Variants in MYO16 observed in about 807,000 individuals in gnomAD.
MYO16 encodes unconventional myosin-XVI.
Under a neutral mutation model 205.3 loss-of-function variants are expected in MYO16, and 94 were observed. That is an observed-to-expected ratio of 0.46 (90% CI 0.39 to 0.54). The LOEUF is 0.54. MYO16 is among the 20% of genes least tolerant of loss of function. The probability of loss-of-function intolerance (pLI) is 0.00; values close to 1 mark genes in which losing one functional copy is unlikely to be tolerated. For synonymous variants in MYO16, 988 were observed against 954.0 expected, an observed-to-expected ratio of 1.04 and a Z score of -0.66; for missense variants, 2,315 against 2,387.5, an observed-to-expected ratio of 0.97 and a Z score of 0.63.
At chr13:109,134,033 A>C (rs769983170) in intron 31 of MYO16, among the ~76,000 whole-genome samples, 1 of 152,238 alleles carries the variant, frequency 6.6e-6, no homozygotes, top group Non-Finnish European at 1.5e-5. Context: ...GAACAGTTCT[A>C]TCTCTCACAG....
At chr13:108,946,757 A>G (rs989012325) in intron 16 of MYO16, among the ~76,000 whole-genome samples, 1 of 150,482 alleles carries the variant, frequency 6.6e-6, no homozygotes, top group Non-Finnish European at 1.5e-5. Flanking sequence ...TTTTTTTTTT[A>G]TTGAGATATA....
intron 28 of MYO16, among the ~76,000 whole-genome samples, chr13:109,115,450 A>C (rs868790375): frequency 2.0e-5 from 3 of 152,166 alleles, no homozygotes; most frequent in South Asian, 2.1e-4. Context: ...TTAACATTTT[A>C]ATCTCAGCTA....
At chr13:108,713,177 ATAT>A (rs1201693745) in intron 3 of MYO16, among the ~76,000 whole-genome samples, 1 of 152,138 alleles carries the variant, frequency 6.6e-6, no homozygotes, top group African/African-American at 2.4e-5. Context: ...ACATTTAAAA[ATAT>A]TATATTATAA....
chr13:109,172,379 A>T (rs1878959580), intron 33 of MYO16, among the ~76,000 whole-genome samples: 1 of 152,172 alleles, frequency 6.6e-6, no homozygotes, highest in Admixed American at 6.5e-5. Flanking sequence ...GCCCTGCCCC[A>T]CTCATCCTTC....
chr13:108,717,647 A>G (rs1045136077), intron 3 of MYO16, among the ~76,000 whole-genome samples: 5 of 151,728 alleles, frequency 3.3e-5, no homozygotes, highest in African/African-American at 1.2e-4. Flanking sequence ...AAAAAAAAAA[A>G]AAATTGAGCC....
chr13:109,020,058 G>T, intron 23 of MYO16, 147 bp downstream of exon 23: 1 of 777,628 alleles, frequency 1.3e-6, no homozygotes, highest in Non-Finnish European at 2.0e-6. Context: ...TTTTCTAAGT[G>T]ATTTTCTTTT....
intron 1 of MYO16, among the ~76,000 whole-genome samples, chr13:108,655,170 C>T (rs1881187211): frequency 6.6e-6 from 1 of 152,206 alleles, no homozygotes; most frequent in African/African-American, 2.4e-5. Context: ...AGCCGCTCTC[C>T]TCACAGACCC....
the MYO16 span, among the ~76,000 whole-genome samples, chr13:108,500,782 T>C: frequency 9.9e-5 from 15 of 152,266 alleles, no homozygotes; most frequent in Middle Eastern, 3.4e-3. Flanking sequence ...TTATCTTAAA[T>C]GCAAATTTAG....
chr13:108,828,163 A>G (rs1876388109), intron 9 of MYO16, among the ~76,000 whole-genome samples: 1 of 152,192 alleles, frequency 6.6e-6, no homozygotes. Flanking sequence ...CACCTAGCTG[A>G]GGCTTGGAGC....
chr13:108,668,609 C>A (rs545716982), intron 2 of MYO16, among the ~76,000 whole-genome samples: 1 of 152,186 alleles, frequency 6.6e-6, no homozygotes, highest in South Asian at 2.1e-4. Context: ...CCCCCTCCTC[C>A]GTCTCCAACA....
chr13:108,664,803 A>G (rs1881652523), intron 1 of MYO16, among the ~76,000 whole-genome samples: 1 of 152,192 alleles, frequency 6.6e-6, no homozygotes, highest in South Asian at 2.1e-4. Flanking sequence ...TGTTTATACA[A>G]TTCCATTACA....
chr13:109,090,632 CAGGACAGACA>C (rs1329008050), intron 27 of MYO16, among the ~76,000 whole-genome samples: 15 of 152,148 alleles, frequency 9.9e-5, no homozygotes, highest in Non-Finnish European at 1.9e-4. Flanking sequence ...AGACCCACAG[CAGGACAGACA>C]GAACTAAACT....
chr13:108,565,712 T>A, the MYO16 span, among the ~76,000 whole-genome samples: 1 of 152,190 alleles, frequency 6.6e-6, no homozygotes, highest in Admixed American at 6.5e-5. Flanking sequence ...CCTTCCAGTA[T>A]TAAATTGAAT....
In MYO16 at chr13:108,846,416, T is replaced by C. The variant is rs140828027; in HGVS notation, c.1248+1923T>C. ...CTTATGGGTGCTTTCTCTTGTTATA[T>C]ATAAACCCATTACTGCTCACCTTTA... On this transcript the variant is annotated intron_variant, in intron 10 of 34. Transcript: ENST00000457511. 3.0e-3 allele frequency among the ~76,000 whole-genome samples: 450 copies of C among 152,170 alleles called. 2 individuals are homozygous for C. Among genetic ancestry groups the C allele is most frequent in the African/African-American group, 0.01 (429 of 41,546 alleles).
At chr13:108,938,474 G>T (rs965796855) in intron 16 of MYO16, among the ~76,000 whole-genome samples, 1 of 152,200 alleles carries the variant, frequency 6.6e-6, no homozygotes, top group Non-Finnish European at 1.5e-5. Context: ...CAATGCTAAG[G>T]GAGAATCCAG....
At chr13:109,158,107 A>G (rs766241609) in intron 32 of MYO16, among the ~76,000 whole-genome samples, 1 of 152,060 alleles carries the variant, frequency 6.6e-6, no homozygotes, top group East Asian at 1.9e-4. Context: ...TTTCTTCTTC[A>G]TTCAGCTCTC....
chr13:108,950,148 T>C (rs1216472908), intron 16 of MYO16, among the ~76,000 whole-genome samples: 1 of 152,168 alleles, frequency 6.6e-6, no homozygotes, highest in Non-Finnish European at 1.5e-5. Context: ...AACTTAAGCT[T>C]GACATCAAAA....
chr13:108,777,534 G>A (rs779730017), intron 4 of MYO16, among the ~76,000 whole-genome samples: 1 of 152,120 alleles, frequency 6.6e-6, no homozygotes, highest in African/African-American at 2.4e-5. Context: ...CACGGAGGCT[G>A]GTTCTGGCAA....
At chr13:108,728,355 A>G (rs1246986217) in intron 4 of MYO16, among the ~76,000 whole-genome samples, 1 of 152,230 alleles carries the variant, frequency 6.6e-6, no homozygotes, top group South Asian at 2.1e-4. Flanking sequence ...AACTATAGCT[A>G]AGAACTCAAG....
Sources: allele counts gnomAD v4.1 joint callset (sites outside exome capture counted in the v4.1 genomes callset), GRCh38; gene constraint gnomAD v4.1.1; transcripts MANE v1.5; gene names NCBI Gene and HGNC (gene_info 2026-07-23, HGNC 2026-07-21).